The following NAV3 variants were observed in gnomAD, a reference collection of about 807,000 sequenced individuals.
NAV3 encodes pore membrane and/or filament interacting like protein 1.
Under a neutral mutation model 244.7 loss-of-function variants are expected in NAV3, and 87 were observed. The ratio of observed to expected loss-of-function variants is 0.36; its 90% CI spans 0.30 to 0.42. The LOEUF (loss-of-function observed/expected upper bound fraction) is 0.42. Among genes scored for constraint, NAV3 ranks in the 20% least tolerant of loss-of-function variants. NAV3 has a pLI of 1.00. For synonymous variants in NAV3, 1,126 were observed against 1,042.2 expected (o/e 1.08, Z -1.55); for missense variants, 2,663 against 2,893.3 (o/e 0.92, Z 1.83).
intron 1 of NAV3, among the ~76,000 whole-genome samples, chr12:77,918,368 G>A (rs571058075): frequency 7.3e-5 from 11 of 150,632 alleles, no homozygotes; most frequent in African/African-American, 2.7e-4. Context: ...TATCATTATA[G>A]CTAATATTAG....
intron 22 of NAV3, among the ~76,000 whole-genome samples, chr12:78,153,075 T>A (rs1446526220): frequency 6.6e-6 from 1 of 152,058 alleles, no homozygotes; most frequent in East Asian, 1.9e-4. Context: ...TTGGGGTGTT[T>A]TTTATATATT....
chr12:78,046,237 T>C (rs1566057329), intron 9 of NAV3, among the ~76,000 whole-genome samples: 1 of 152,222 alleles, frequency 6.6e-6, no homozygotes, highest in Non-Finnish European at 1.5e-5. Flanking sequence ...CCTTCAGTTC[T>C]GCTCTGATCT....
chr12:78,171,114 G>A (rs913755671), intron 24 of NAV3, among the ~76,000 whole-genome samples: 4 of 151,732 alleles, frequency 2.6e-5, no homozygotes, highest in Non-Finnish European at 5.9e-5. Flanking sequence ...TATAAAGTGA[G>A]ATATGCTTAA....
At chr12:77,992,467 T>C (rs1402840124) in intron 5 of NAV3, among the ~76,000 whole-genome samples, 1 of 152,118 alleles carries the variant, frequency 6.6e-6, no homozygotes, top group East Asian at 1.9e-4. Flanking sequence ...AAAATTGTGG[T>C]CCTCTGGATA....
chr12:78,159,400 A>C (rs1007112360), intron 23 of NAV3, 114 bp downstream of exon 23: 1 of 950,834 alleles, frequency 1.1e-6, no homozygotes, highest in Non-Finnish European at 1.6e-6. Context: ...GCAGAGGCTC[A>C]TGCCTGTAAT....
intron 31 of NAV3, among the ~76,000 whole-genome samples, chr12:78,187,991 G>A (rs776661662): frequency 4.6e-5 from 7 of 151,784 alleles, no homozygotes; most frequent in African/African-American, 7.3e-5. Context: ...AGTTTTCCTC[G>A]ACATGCTGCT....
At chr12:78,095,045 T>TTATATATATA (rs368659738) in intron 12 of NAV3, among the ~76,000 whole-genome samples, 51 of 123,876 alleles carry the variant, frequency 4.1e-4, no homozygotes, top group African/African-American at 1.4e-3. Context: ...CCATATCAAA[T>TTATATATATA]TATATATATA....
chr12:78,079,714 A>G (rs193043217), intron 12 of NAV3, among the ~76,000 whole-genome samples: 58 of 152,286 alleles, frequency 3.8e-4, no homozygotes, highest in African/African-American at 1.3e-3. Flanking sequence ...ATGGCTGGAT[A>G]CCCCAGTGCC....
At chr12:78,027,944 T>G (rs1343741149) in intron 9 of NAV3, among the ~76,000 whole-genome samples, 4 of 126,262 alleles carry the variant, frequency 3.2e-5, no homozygotes, top group Non-Finnish European at 5.0e-5. Flanking sequence ...AAAGGAAGCG[T>G]TTTTTTTTGT....
At chr12:78,024,072 A>G (rs1164804306) in intron 9 of NAV3, among the ~76,000 whole-genome samples, 1 of 152,160 alleles carries the variant, frequency 6.6e-6, no homozygotes, top group Non-Finnish European at 1.5e-5. Flanking sequence ...CCCTAACTCC[A>G]GCAATGATTC....
intron 2 of NAV3, among the ~76,000 whole-genome samples, chr12:77,651,189 G>T (rs1872806331): frequency 6.6e-6 from 1 of 151,942 alleles, no homozygotes; most frequent in Non-Finnish European, 1.5e-5. Flanking sequence ...TTGCATAATT[G>T]CTTTTTTGGC....
chr12:77,812,298 A>C (rs2136003814), intron 2 of NAV3, among the ~76,000 whole-genome samples: 1 of 152,330 alleles, frequency 6.6e-6, no homozygotes. Context: ...TAACTTAAAA[A>C]ATAGTGTTTA....
At chr12:77,720,787 T>C (rs1220386894) in intron 2 of NAV3, among the ~76,000 whole-genome samples, 2 of 152,138 alleles carry the variant, frequency 1.3e-5, no homozygotes, top group East Asian at 1.9e-4. Flanking sequence ...TGTAGGAGCC[T>C]CTTAACTGGT....
chr12:77,707,053 TTTTC>T (rs144244729), intron 2 of NAV3, among the ~76,000 whole-genome samples: 29 of 150,456 alleles, frequency 1.9e-4, no homozygotes, highest in Admixed American at 3.3e-4. Flanking sequence ...GCTACCTTTT[TTTTC>T]TTTCTTTCTT....
At chr12:78,130,268 A>G (rs1240130303) in intron 18 of NAV3, 1 of 162,456 alleles carries the variant, frequency 6.2e-6, no homozygotes, top group Non-Finnish European at 1.4e-5. Flanking sequence ...GGGACAACAC[A>G]TTCCATGAAC....
chr12:77,860,051 GC>G (rs1204877783), intron 1 of NAV3, among the ~76,000 whole-genome samples: 1 of 151,782 alleles, frequency 6.6e-6, no homozygotes, highest in Non-Finnish European at 1.5e-5. Flanking sequence ...TAATGAAATA[GC>G]CTCAAGATTT....
At chr12:78,119,030 T>G (rs1452546471) in intron 14 of NAV3, among the ~76,000 whole-genome samples, 1 of 152,220 alleles carries the variant, frequency 6.6e-6, no homozygotes, top group Non-Finnish European at 1.5e-5. Context: ...ATTTTATCTC[T>G]TCCATCTCTC....
chr12:78,084,615 C>A (rs1593515708), intron 12 of NAV3, among the ~76,000 whole-genome samples: 1 of 152,024 alleles, frequency 6.6e-6, no homozygotes, highest in Non-Finnish European at 1.5e-5. Flanking sequence ...TCTCTGCTCT[C>A]CTTTGCAATA....
intron 2 of NAV3, among the ~76,000 whole-genome samples, chr12:77,820,252 G>A (rs1413903181): frequency 6.6e-6 from 1 of 152,108 alleles, no homozygotes; most frequent in Admixed American, 6.5e-5. Context: ...GCCTGTCTTA[G>A]TCCATTAGTG....
Sources: allele counts gnomAD v4.1 joint callset (sites outside exome capture counted in the v4.1 genomes callset), GRCh38; gene constraint gnomAD v4.1.1; transcripts MANE v1.5; gene names NCBI Gene and HGNC (gene_info 2026-07-23, HGNC 2026-07-21).